The following TRAPPC10 variants were observed in gnomAD, a reference collection of about 807,000 sequenced individuals.
TRAPPC10 encodes the protein TRAPP 130 kDa subunit.
Under a neutral mutation model 125.5 loss-of-function variants are expected in TRAPPC10, and 23 were observed. The ratio of observed to expected loss-of-function variants is 0.18; its 90% CI spans 0.13 to 0.26. TRAPPC10 has a LOEUF of 0.26. Among genes scored for constraint, TRAPPC10 ranks in the 10% least tolerant of loss-of-function variants. TRAPPC10 has a pLI of 1.00. For missense variants in TRAPPC10, 1,123 were observed against 1,308.4 expected (o/e 0.86, Z 2.19); for synonymous variants, 509 against 518.0 (o/e 0.98, Z 0.24).
At chr21:44,081,002 G>GT (rs2037671993) in intron 13 of TRAPPC10, among the ~76,000 whole-genome samples, 1 of 83,724 alleles carries the variant, frequency 1.2e-5, no homozygotes. Context: ...CAATATTATT[G>GT]TTCTTTTTTT....
At chr21:44,043,155 G>T (rs547211381) in intron 3 of TRAPPC10, among the ~76,000 whole-genome samples, 1 of 149,032 alleles carries the variant, frequency 6.7e-6, no homozygotes, top group East Asian at 2.0e-4. Context: ...TAGACACTTT[G>T]GTTCTATTGA....
At chr21:44,046,292 C>G in intron 3 of TRAPPC10, 1 of 244,906 alleles carries the variant, frequency 4.1e-6, no homozygotes, top group Non-Finnish European at 9.0e-6. Context: ...ATCACCAACA[C>G]TGGACAGCTG....
rs773580340 is a variant in TRAPPC10, at chr21:44,083,106, A to C, written c.2042A>C (p.Glu681Ala). Residue 681 changes from glutamate to alanine, a missense_variant, in exon 14 of 23, where the codon GAG becomes GCG. Around this residue, in one of 4 missense-constraint regions of TRAPPC10, gnomAD observed 840 missense variants for 902.0 expected, o/e 0.93. Coordinates refer to ENST00000291574, the MANE Select transcript of TRAPPC10 (RefSeq NM_003274.5). Reference protein sequence around the residue: ...LPALELYEMFERSPSDNSLNT... With the variant: ...LPALELYEMFARSPSDNSLNT... ...GCGCTGGAGTTGTATGAAATGTTTG[A>C]GAGAAGCCCATCTGATAACTCCTTG... 1.2e-6 allele frequency: 2 copies of C among 1,614,074 alleles called. No homozygotes were observed. Among genetic ancestry groups the C allele is most frequent in the Non-Finnish European group, 1.7e-6 (2 of 1,180,024 alleles).
chr21:44,051,066 G>C (rs994669524), intron 3 of TRAPPC10, among the ~76,000 whole-genome samples: 1 of 152,152 alleles, frequency 6.6e-6, no homozygotes, highest in Non-Finnish European at 1.5e-5. Flanking sequence ...GCCATGCCCG[G>C]CTAATCTTTC....
At chr21:44,036,159 A>C (rs570688006) in intron 2 of TRAPPC10, among the ~76,000 whole-genome samples, 2 of 152,358 alleles carry the variant, frequency 1.3e-5, no homozygotes, top group East Asian at 3.9e-4. Context: ...AATGTCAAGC[A>C]GAATGAAGAA....
At chr21:44,068,710 C>T (rs2036635100) in intron 7 of TRAPPC10, among the ~76,000 whole-genome samples, 1 of 152,100 alleles carries the variant, frequency 6.6e-6, no homozygotes, top group Non-Finnish European at 1.5e-5. Context: ...AGGCAATTCT[C>T]CTGCCTCAGC....
At position 44,090,070 on chromosome 21, in the gene TRAPPC10, T is replaced by C. The variant is rs1370237249; in HGVS notation, c.2870+137T>C. 3 of 619,154 alleles carry C rather than the reference T, an allele frequency of 4.8e-6. No individual in the cohort carries two copies. In the African/African-American group the frequency reaches 5.5e-5, roughly 11 times the overall value. 38.4% of individuals were successfully genotyped at this position (619,154 alleles called of 1,614,324 possible). A position where few individuals can be genotyped will look rare whatever the true frequency, so the allele number is the denominator to read the frequency against. On this transcript the variant is annotated intron_variant, in intron 18 of 22. Coordinates refer to ENST00000291574, the MANE Select transcript of TRAPPC10 (RefSeq NM_003274.5). The stretch of plus-strand genomic sequence containing the variant: ...GACCACAAGGCCATTGTTTGTGTCT[T>C]AAAATCCACAATTCCCTGGTGTCCT...
intron 3 of TRAPPC10, among the ~76,000 whole-genome samples, chr21:44,042,094 C>A (rs2034467296): frequency 6.6e-6 from 1 of 152,162 alleles, no homozygotes; most frequent in African/African-American, 2.4e-5. Context: ...TTTTTCCCTC[C>A]AGAGAACCAG....
chr21:44,028,300 C>T (rs2033253065), intron 1 of TRAPPC10, among the ~76,000 whole-genome samples: 1 of 152,226 alleles, frequency 6.6e-6, no homozygotes, highest in Admixed American at 6.5e-5. Flanking sequence ...TAATCAGACC[C>T]CAGAGCTCTG....
chr21:44,038,593 G>T (rs2034169691), intron 3 of TRAPPC10, among the ~76,000 whole-genome samples: 1 of 152,092 alleles, frequency 6.6e-6, no homozygotes, highest in Non-Finnish European at 1.5e-5. Flanking sequence ...AATCCAGAAA[G>T]AACCTTTTCG....
chr21:44,092,000 G>C lies in TRAPPC10; in HGVS notation c.2948G>C (p.Gly983Ala). 1 of 1,614,156 alleles carries C rather than the reference G, an allele frequency of 6.2e-7. No individual in the cohort carries two copies. The highest frequency in any genetic ancestry group is 8.5e-7 in the Non-Finnish European group (1 of 1,180,024). The stretch of plus-strand genomic sequence containing the variant: ...TCAGATAGTTATCTTGTAGATACCG[G>C]TGATAGTACCGACCTGCAACTAGTA... The part of the protein sequence containing the change: ...QLSDSYLVDT[G>A]DSTDLQLVPL... Residue 983 changes from glycine (G) to alanine (A), a missense_variant, in exon 19 of 23, where the codon GGT (glycine) becomes GCT (alanine). Gly to Ala is a moderately conservative substitution (Grantham distance 60). Coordinates refer to ENST00000291574, the MANE Select transcript of TRAPPC10 (RefSeq NM_003274.5).
At chr21:44,018,716 C>T (rs1489095753) in intron 1 of TRAPPC10, among the ~76,000 whole-genome samples, 2 of 150,990 alleles carry the variant, frequency 1.3e-5, no homozygotes, top group Non-Finnish European at 1.5e-5. Context: ...AAAAGTATGT[C>T]GGGCATAACA....
chr21:44,045,164 A>T (rs950572643), intron 3 of TRAPPC10, among the ~76,000 whole-genome samples: 1 of 151,608 alleles, frequency 6.6e-6, no homozygotes, highest in Non-Finnish European at 1.5e-5. Flanking sequence ...CGAACTCCTG[A>T]CCTTGTGATC....
At chr21:44,056,645 G>A (rs1442818167) in intron 5 of TRAPPC10, among the ~76,000 whole-genome samples, 1 of 152,186 alleles carries the variant, frequency 6.6e-6, no homozygotes, top group Non-Finnish European at 1.5e-5. Flanking sequence ...ATGAACCCAC[G>A]TAAAGGGACA....
chr21:44,057,581 G>T (rs939983596), intron 5 of TRAPPC10, among the ~76,000 whole-genome samples: 1 of 152,066 alleles, frequency 6.6e-6, no homozygotes. Context: ...CACTGCACCC[G>T]GCCTGAGCTG....
At position 44,012,351 on chromosome 21, in the gene TRAPPC10, G is replaced by A. The variant is rs1755772869; in HGVS notation, c.-143G>A. 2 of 257,086 alleles carry A rather than the reference G, an allele frequency of 7.8e-6. No homozygotes were observed. Among genetic ancestry groups the A allele is most frequent in the East Asian group, 1.8e-4 (1 of 5,678 alleles). The allele number at this position is 257,086 out of a possible 1,614,324, so 15.9% of individuals were successfully genotyped here. The stretch of plus-strand genomic sequence containing the variant: ...TGGCTGAGGCCGGCAGCAGCGGGCG[G>A]CAGCTGCGGCGCAACCGGCTCCGGA... On this transcript the variant is annotated 5_prime_UTR_variant, in exon 1 of 23. Transcript: ENST00000291574.
At chr21:44,074,141 G>T (rs946018025) in intron 7 of TRAPPC10, among the ~76,000 whole-genome samples, 183 bp from the exon 8 acceptor site, 1 of 152,186 alleles carries the variant, frequency 6.6e-6, no homozygotes, top group Non-Finnish European at 1.5e-5. Context: ...CCATGTGAAT[G>T]TAGGTGATTA....
At chr21:44,080,545 T>TC (rs1296279529) in intron 13 of TRAPPC10, among the ~76,000 whole-genome samples, 3 of 148,794 alleles carry the variant, frequency 2.0e-5, no homozygotes, top group African/African-American at 7.3e-5. Flanking sequence ...TTCTTCTTCT[T>TC]TTTTTTTTTT....
At chr21:44,041,435 G>A (rs1229831743) in intron 3 of TRAPPC10, among the ~76,000 whole-genome samples, 1 of 151,888 alleles carries the variant, frequency 6.6e-6, no homozygotes, top group Admixed American at 6.6e-5. Context: ...GGAGTGCAGT[G>A]GTGCGATCTT....
Sources: allele counts gnomAD v4.1 joint callset (sites outside exome capture counted in the v4.1 genomes callset), GRCh38; gene constraint gnomAD v4.1.1; regional missense constraint gnomAD v4.1.1; transcripts MANE v1.5; gene names NCBI Gene and HGNC (gene_info 2026-07-23, HGNC 2026-07-21).